Variants in PLCB1 observed in about 807,000 individuals in gnomAD.
The protein encoded by PLCB1 is 1-phosphatidylinositol 4,5-bisphosphate phosphodiesterase beta-1.
In PLCB1, 46 loss-of-function variants were observed where a neutral mutation model predicts 161.8. That is an observed-to-expected ratio of 0.28 (90% CI 0.22 to 0.36). The LOEUF is 0.36. PLCB1 is among the 10% of genes least tolerant of loss of function. The pLI is 1.00. For missense variants in PLCB1, 1,016 were observed against 1,472.5 expected, an observed-to-expected ratio of 0.69 and a Z score of 5.07; for synonymous variants, 517 against 503.7, an observed-to-expected ratio of 1.03 and a Z score of -0.35.
At chr20:8,684,878 C>A in intron 9 of PLCB1, 54 bp from the exon 10 acceptor site, 5 of 1,388,678 alleles carry the variant, frequency 3.6e-6, no homozygotes, top group Non-Finnish European at 3.0e-6. Context: ...AAAGAGGCGA[C>A]TTGACACCCA....
chr20:8,359,488 C>T (rs1176226283), intron 2 of PLCB1, among the ~76,000 whole-genome samples: 3 of 152,014 alleles, frequency 2.0e-5, no homozygotes, highest in Non-Finnish European at 4.4e-5. Context: ...AAAATGAACT[C>T]TGATTTGGAG....
rs114744678 is a variant in PLCB1 at position 8,370,028 on chromosome 20, A to G, written c.178-1354A>G. Among the ~76,000 whole-genome samples, 1,103 of 152,312 alleles carry G rather than the reference A, an allele frequency of 7.2e-3. 21 individuals are homozygous for G. The highest frequency in any genetic ancestry group is 0.025 in the African/African-American group (1,030 of 41,576). ...CTGGTTCTTAGGGAGCTTGGCCTTTAAGAAGTTACAGCCACTCCTATCCAG... is the reference window on the plus strand; with the variant it reads ...CTGGTTCTTAGGGAGCTTGGCCTTTGAGAAGTTACAGCCACTCCTATCCAG... On this transcript the variant is annotated intron_variant, in intron 2 of 31. Transcript: ENST00000338037.
intron 2 of PLCB1, among the ~76,000 whole-genome samples, chr20:8,314,727 C>T (rs1488575810): frequency 6.6e-6 from 1 of 152,100 alleles, no homozygotes; most frequent in Non-Finnish European, 1.5e-5. Flanking sequence ...ATAGGTAAAA[C>T]ATACCTTTAA....
At chr20:8,427,003 C>T (rs35271914) in intron 3 of PLCB1, among the ~76,000 whole-genome samples, 1 of 152,066 alleles carries the variant, frequency 6.6e-6, no homozygotes, top group Non-Finnish European at 1.5e-5. Flanking sequence ...CTGCAGCCTC[C>T]TGAGCTCAAG....
At chr20:8,828,888 A>G (rs1170088674) in intron 31 of PLCB1, among the ~76,000 whole-genome samples, 1 of 152,204 alleles carries the variant, frequency 6.6e-6, no homozygotes, top group African/African-American at 2.4e-5. Flanking sequence ...AGTGGAATTA[A>G]TGTTCTAGAA....
chr20:8,232,521 C>T (rs550282623), intron 2 of PLCB1, among the ~76,000 whole-genome samples: 4 of 152,220 alleles, frequency 2.6e-5, no homozygotes, highest in East Asian at 1.9e-4. Flanking sequence ...CCGTATTTCT[C>T]GAGCCAAGTA....
At chr20:8,350,748 G>T (rs1199390513) in intron 2 of PLCB1, among the ~76,000 whole-genome samples, 1 of 152,014 alleles carries the variant, frequency 6.6e-6, no homozygotes, top group Non-Finnish European at 1.5e-5. Context: ...AAAAATTACT[G>T]TTAAAAATAT....
chr20:8,415,151 T>G (rs746429876), intron 3 of PLCB1, among the ~76,000 whole-genome samples: 2 of 152,192 alleles, frequency 1.3e-5, no homozygotes, highest in Non-Finnish European at 2.9e-5. Flanking sequence ...CTGCTTACTT[T>G]AAATCTTTTC....
intron 3 of PLCB1, among the ~76,000 whole-genome samples, chr20:8,448,808 C>T (rs1426818473): frequency 6.6e-6 from 1 of 152,184 alleles, no homozygotes; most frequent in African/African-American, 2.4e-5. Context: ...TAAAGGATTG[C>T]ATCCCACAAA....
chr20:8,491,278 A>G (rs1982934876), intron 3 of PLCB1, among the ~76,000 whole-genome samples: 1 of 151,944 alleles, frequency 6.6e-6, no homozygotes, highest in Non-Finnish European at 1.5e-5. Context: ...TTCTTTCAGT[A>G]TTGCTTTTTA....
In PLCB1 at chr20:8,881,747, T is replaced by C. The variant is rs780459225; in HGVS notation, c.3549T>C (p.Pro1183=). 17 of 1,613,774 alleles carry C rather than the reference T, an allele frequency of 1.1e-5. No individual in the cohort carries two copies. The Admixed American group carries it at 1.2e-4, about 11-fold the overall frequency. The change falls in exon 32 of 32, where the codon CCT becomes CCC. Residue 1183 remains proline, a synonymous_variant. Coordinates refer to ENST00000338037, the MANE Select transcript of PLCB1 (RefSeq NM_015192.4). ...ISEDSNHGSA[P]LSLSSDPGKV... is the part of the protein sequence containing the mutation. The stretch of plus-strand genomic sequence containing the variant: ...AAGACAGCAATCACGGTTCTGCCCC[T>C]CTCTCCCTGTCCTCAGACCCTGGAA...
intron 2 of PLCB1, among the ~76,000 whole-genome samples, chr20:8,226,920 C>A (rs939097180): frequency 5.9e-5 from 9 of 152,088 alleles, no homozygotes; most frequent in Non-Finnish European, 1.2e-4. Flanking sequence ...AACTCCTGAC[C>A]TCATGATCCA....
In PLCB1 at chr20:8,717,809, G is replaced by A. The variant is rs1319451536; in HGVS notation, c.1474G>A (p.Asp492Asn). The A allele has an allele frequency of 3.1e-6, 5 of 1,613,564 alleles. No individual in the cohort carries two copies. The highest frequency in any genetic ancestry group is 4.2e-6 in the Non-Finnish European group (5 of 1,179,866). Residue 492 changes from aspartate to asparagine, a missense_variant, in exon 14 of 32, where the codon GAC (aspartate) becomes AAC (asparagine). Asp to Asn is a conservative substitution (Grantham distance 23). Coordinates refer to ENST00000338037, the MANE Select transcript of PLCB1 (RefSeq NM_015192.4). ...LSEQASNTYSDSSSMFEPSSP... is the reference protein window; with the variant it reads ...LSEQASNTYSNSSSMFEPSSP... ...AGAACAAGCCTCCAACACCTACAGT[G>A]ACTCCTCCAGCATGTTCGAGCCCTC...
At chr20:8,435,911 T>C (rs1305427098) in intron 3 of PLCB1, among the ~76,000 whole-genome samples, 1 of 152,222 alleles carries the variant, frequency 6.6e-6, no homozygotes, top group East Asian at 1.9e-4. Flanking sequence ...TGAACTCTCC[T>C]AAGATTTCAG....
intron 3 of PLCB1, among the ~76,000 whole-genome samples, chr20:8,412,185 C>T (rs1479076595): frequency 1.3e-5 from 2 of 152,188 alleles, no homozygotes; most frequent in African/African-American, 4.8e-5. Context: ...CAAAACCCAT[C>T]AAGCACAATA....
intron 2 of PLCB1, among the ~76,000 whole-genome samples, chr20:8,227,410 A>G (rs554256158): frequency 6.6e-6 from 1 of 152,286 alleles, no homozygotes; most frequent in South Asian, 2.1e-4. Context: ...ATTTTTGATC[A>G]CAGAAATTAA....
At chr20:8,779,481 C>A (rs1227955301) in intron 27 of PLCB1, among the ~76,000 whole-genome samples, 4 of 130,424 alleles carry the variant, frequency 3.1e-5, no homozygotes, top group South Asian at 5.1e-4. Context: ...AAATGCACAC[C>A]AAGCTCTGTA....
chr20:8,354,642 C>T (rs1434761910), intron 2 of PLCB1, among the ~76,000 whole-genome samples: 1 of 152,176 alleles, frequency 6.6e-6, no homozygotes, highest in Admixed American at 6.5e-5. Context: ...TACACTTTGG[C>T]CCCGAATACT....
At chr20:8,593,270 T>C (rs2123114702) in intron 3 of PLCB1, among the ~76,000 whole-genome samples, 1 of 152,214 alleles carries the variant, frequency 6.6e-6, no homozygotes, top group East Asian at 1.9e-4. Flanking sequence ...CCTCCCAGGT[T>C]CAAGCGATCC....
Sources: allele counts gnomAD v4.1 joint callset (sites outside exome capture counted in the v4.1 genomes callset), GRCh38; gene constraint gnomAD v4.1.1; transcripts MANE v1.5; gene names NCBI Gene and HGNC (gene_info 2026-07-23, HGNC 2026-07-21).